Variants in HPSE2 observed in about 807,000 individuals in gnomAD.
The protein encoded by HPSE2 is inactive heparanase-2.
HPSE2 carries 38 observed loss-of-function variants against 60.5 expected under a neutral mutation model. The ratio of observed to expected loss-of-function variants is 0.63; its 90% confidence interval spans 0.48 to 0.82. The LOEUF (loss-of-function observed/expected upper bound fraction) is 0.82, where lower values mean the gene tolerates loss of function less well. HPSE2 is among the 40% of genes least tolerant of loss of function. The pLI, the probability that HPSE2 is intolerant of heterozygous loss-of-function variation, is 0.00. For synonymous variants in HPSE2, 295 were observed against 293.2 expected (o/e 1.01, Z -0.06); for missense variants, 713 against 740.4 (o/e 0.96, Z 0.43).
intron 3 of HPSE2, among the ~76,000 whole-genome samples, chr10:99,014,496 G>A (rs1957090641): frequency 6.6e-6 from 1 of 152,120 alleles, no homozygotes; most frequent in Non-Finnish European, 1.5e-5. Context: ...GGGTTGAAAG[G>A]TATTTCTGTC....
chr10:98,963,258 T>C (rs1377785423), intron 3 of HPSE2, among the ~76,000 whole-genome samples: 2 of 152,150 alleles, frequency 1.3e-5, no homozygotes, highest in Admixed American at 1.3e-4. Context: ...AAAGTTCAAA[T>C]ATAATTGCAG....
chr10:98,653,974 GT>G (rs879357752), intron 6 of HPSE2, among the ~76,000 whole-genome samples: 136 of 138,812 alleles, frequency 9.8e-4, no homozygotes, highest in East Asian at 3.4e-3. Flanking sequence ...AAGAACTCTA[GT>G]TTTTTTTTTT....
chr10:99,272,247 G>C, the HPSE2 span, among the ~76,000 whole-genome samples: 1 of 142,074 alleles, frequency 7.0e-6, no homozygotes, highest in Non-Finnish European at 1.5e-5. Flanking sequence ...TCCAGCCTGG[G>C]CAACAGAGTG....
intron 9 of HPSE2, among the ~76,000 whole-genome samples, chr10:98,563,217 G>A (rs181525571): frequency 6.8e-4 from 103 of 152,198 alleles, no homozygotes; most frequent in African/African-American, 2.3e-3. Context: ...TCCATGTAGT[G>A]GAACATTATT....
chr10:98,645,153 G>C (rs1288803992), intron 6 of HPSE2, among the ~76,000 whole-genome samples: 3 of 152,190 alleles, frequency 2.0e-5, no homozygotes, highest in Non-Finnish European at 4.4e-5. Context: ...TTGCCAAAGA[G>C]ATGTAGGTTA....
the HPSE2 span, among the ~76,000 whole-genome samples, chr10:99,263,478 A>T: frequency 6.6e-6 from 1 of 152,238 alleles, no homozygotes; most frequent in Non-Finnish European, 1.5e-5. Flanking sequence ...CCTCTTTAAT[A>T]AAAACTCTTC....
chr10:98,481,723 T>G, intron 11 of HPSE2, among the ~76,000 whole-genome samples: 1 of 152,314 alleles, frequency 6.6e-6, no homozygotes, highest in South Asian at 2.1e-4. Context: ...AGTGAATAAT[T>G]ATAGCACAAA....
chr10:98,689,350 C>T (rs1271904763), intron 6 of HPSE2, among the ~76,000 whole-genome samples: 1 of 152,100 alleles, frequency 6.6e-6, no homozygotes, highest in Non-Finnish European at 1.5e-5. Flanking sequence ...TTTACTCTTT[C>T]TTCTGTGGTT....
chr10:98,844,418 T>C (rs1445347147), intron 3 of HPSE2, among the ~76,000 whole-genome samples: 1 of 152,238 alleles, frequency 6.6e-6, no homozygotes, highest in East Asian at 1.9e-4. Context: ...GTGATTTTGA[T>C]AATTATTTAA....
chr10:98,903,877 G>A (rs1269684098), intron 3 of HPSE2, among the ~76,000 whole-genome samples: 3 of 152,166 alleles, frequency 2.0e-5, no homozygotes, highest in East Asian at 3.9e-4. Flanking sequence ...GCATGTAAAA[G>A]TGCTAAGAAC....
chr10:99,188,315 C>T (rs1483916734), intron 2 of HPSE2, among the ~76,000 whole-genome samples: 1 of 152,008 alleles, frequency 6.6e-6, no homozygotes, highest in Admixed American at 6.6e-5. Flanking sequence ...CAAGAAGAAA[C>T]TTTTTGAGGA....
intron 11 of HPSE2, among the ~76,000 whole-genome samples, chr10:98,479,120 G>T (rs75712861): frequency 9.6e-4 from 146 of 152,292 alleles, no homozygotes; most frequent in African/African-American, 3.4e-3. Flanking sequence ...CTAAGAGAAT[G>T]AGAATTACCC....
chr10:99,060,614 G>T (rs529138972), intron 3 of HPSE2, among the ~76,000 whole-genome samples: 1 of 144,012 alleles, frequency 6.9e-6, no homozygotes, highest in Non-Finnish European at 1.5e-5. Flanking sequence ...GCTGAGATTG[G>T]GCCATTGCGC....
intron 3 of HPSE2, among the ~76,000 whole-genome samples, chr10:98,992,226 G>A (rs903153719): frequency 3.3e-5 from 5 of 152,096 alleles, no homozygotes; most frequent in African/African-American, 1.2e-4. Flanking sequence ...TGGGCTTTAA[G>A]AAACTAGAAT....
chr10:99,059,736 C>T (rs941003616), intron 3 of HPSE2, among the ~76,000 whole-genome samples: 1 of 152,088 alleles, frequency 6.6e-6, no homozygotes, highest in African/African-American at 2.4e-5. Flanking sequence ...AAATTTATAA[C>T]TGTTAAGTGT....
chr10:98,844,538 T>C (rs1256203048), intron 3 of HPSE2, among the ~76,000 whole-genome samples: 1 of 152,154 alleles, frequency 6.6e-6, no homozygotes, highest in African/African-American at 2.4e-5. Context: ...GAGACAAAGA[T>C]AGAGAAATAT....
intron 3 of HPSE2, among the ~76,000 whole-genome samples, chr10:98,974,884 G>A (rs981153409): frequency 1.3e-5 from 2 of 152,124 alleles, no homozygotes; most frequent in Non-Finnish European, 2.9e-5. Flanking sequence ...AACAGATGTT[G>A]AATAAAAATA....
At chr10:99,305,967 GCGCGCGCGCGCGCA>G in the HPSE2 span, among the ~76,000 whole-genome samples, 395 of 54,546 alleles carry the variant, frequency 7.2e-3, 3 homozygotes, top group African/African-American at 0.03. Flanking sequence ...ACACACGCGC[GCGCGCGCGCGCGCA>G]CACACACACA....
chr10:98,726,020 C>A (rs192373476), intron 4 of HPSE2, among the ~76,000 whole-genome samples: 1 of 152,266 alleles, frequency 6.6e-6, no homozygotes, highest in Admixed American at 6.5e-5. Context: ...AATAGGAACA[C>A]TTTTACACCA....
Sources: gnomAD v4.1 joint callset for allele counts (sites outside exome capture counted in the v4.1 genomes callset) on GRCh38, gnomAD v4.1.1 for gene constraint, MANE v1.5 for transcripts, NCBI Gene and HGNC (gene_info 2026-07-23, HGNC 2026-07-21) for gene names.